Variants in SCG5 observed in about 807,000 individuals in gnomAD.
The protein encoded by SCG5 is secretogranin V, also known as neuroendocrine protein 7B2.
In SCG5, 18 loss-of-function variants were observed where a neutral mutation model predicts 25.7. That is an observed-to-expected ratio of 0.70 (90% CI 0.48 to 1.04). The LOEUF is 1.04. SCG5 is among the 50% of genes least tolerant of loss of function. The pLI is 0.00. For synonymous variants in SCG5, 101 were observed against 91.7 expected, an observed-to-expected ratio of 1.10 and a Z score of -0.58; for missense variants, 206 against 259.8, an observed-to-expected ratio of 0.79 and a Z score of 1.42.
intron 2 of SCG5, among the ~76,000 whole-genome samples, chr15:32,651,232 T>C (rs2054026758): frequency 1.3e-5 from 2 of 152,160 alleles, no homozygotes. Context: ...ACGTTCTTTT[T>C]TATAACACTG....
chr15:32,651,647 A>G (rs767901522), intron 2 of SCG5, among the ~76,000 whole-genome samples: 47 of 152,306 alleles, frequency 3.1e-4, no homozygotes, highest in East Asian at 7.7e-4. Context: ...GGACCGCCCA[A>G]TGGGCCCATG....
chr15:32,665,517 C>G (rs1321226139), intron 2 of SCG5, among the ~76,000 whole-genome samples: 1 of 152,032 alleles, frequency 6.6e-6, no homozygotes, highest in Non-Finnish European at 1.5e-5. Context: ...TATTGAATTC[C>G]TGTGGAGAAG....
chr15:32,649,961 A>C (rs1421156079), intron 2 of SCG5, among the ~76,000 whole-genome samples: 1 of 152,156 alleles, frequency 6.6e-6, no homozygotes, highest in Non-Finnish European at 1.5e-5. Flanking sequence ...TAAAAATAAA[A>C]TAAAATGGGG....
At chr15:32,678,536 C>T (rs1378651514) in intron 2 of SCG5, among the ~76,000 whole-genome samples, 1 of 152,056 alleles carries the variant, frequency 6.6e-6, no homozygotes, top group African/African-American at 2.4e-5. Flanking sequence ...TCATAAAACC[C>T]AATGCTTGTG....
chr15:32,667,596 A>G (rs8030091), intron 2 of SCG5, among the ~76,000 whole-genome samples: 3 of 152,040 alleles, frequency 2.0e-5, no homozygotes, highest in Non-Finnish European at 4.4e-5. Context: ...TTAACATAAC[A>G]TTGAGTTCTG....
At position 32,671,089 on chromosome 15, in the gene SCG5, G is replaced by A. The variant is rs186787697; in HGVS notation, c.227-8677G>A. Among the ~76,000 whole-genome samples, 604 of 152,302 alleles carry A rather than the reference G, an allele frequency of 4.0e-3. 3 individuals are homozygous for A. Among genetic ancestry groups the A allele is most frequent in the Non-Finnish European group, 5.9e-3 (398 of 68,030 alleles). ...ATGTTATCCCCGGGTTAAAAGGGGA[G>A]GAATTGGGGTCCAGTGAGATTGGGA... On this transcript the variant is annotated intron_variant, in intron 2 of 5. Transcript: ENST00000300175.
chr15:32,646,755 T>G (rs1266228715), intron 2 of SCG5, among the ~76,000 whole-genome samples: 1 of 152,216 alleles, frequency 6.6e-6, no homozygotes, highest in African/African-American at 2.4e-5. Flanking sequence ...TTGGGTGGTC[T>G]GATCATTTAT....
At chr15:32,669,482 A>T (rs1352167132) in intron 2 of SCG5, among the ~76,000 whole-genome samples, 1 of 152,126 alleles carries the variant, frequency 6.6e-6, no homozygotes, top group Non-Finnish European at 1.5e-5. Context: ...CTCCACTCTG[A>T]CCCTCAGCTA....
intron 2 of SCG5, among the ~76,000 whole-genome samples, chr15:32,644,391 T>C (rs1485082102): frequency 6.6e-6 from 1 of 152,194 alleles, no homozygotes; most frequent in African/African-American, 2.4e-5. Flanking sequence ...GTGAAAGCTT[T>C]TGAAAATATT....
At chr15:32,663,063 ATATATATATATATAT>A (rs1567076449) in intron 2 of SCG5, among the ~76,000 whole-genome samples, 2,416 of 50,054 alleles carry the variant, frequency 0.048, 81 homozygotes, top group South Asian at 0.1. Flanking sequence ...ATATATATAT[ATATATATATATATAT>A]AATATATAAT....
intron 2 of SCG5, among the ~76,000 whole-genome samples, chr15:32,661,147 C>T (rs964016856): frequency 6.6e-6 from 1 of 152,148 alleles, no homozygotes; most frequent in Non-Finnish European, 1.5e-5. Context: ...AGGTTTAGAG[C>T]AGGTGAGCAA....
At chr15:32,654,397 C>T (rs1388791794) in intron 2 of SCG5, among the ~76,000 whole-genome samples, 1 of 152,184 alleles carries the variant, frequency 6.6e-6, no homozygotes, top group African/African-American at 2.4e-5. Flanking sequence ...TAGGCTTCAA[C>T]ATGTAAATTT....
At chr15:32,647,082 AT>A (rs1252664918) in intron 2 of SCG5, among the ~76,000 whole-genome samples, 1 of 152,198 alleles carries the variant, frequency 6.6e-6, no homozygotes, top group Admixed American at 6.5e-5. Flanking sequence ...TTCATCATTT[AT>A]TACTAATATG....
chr15:32,655,802 C>T (rs2054108253), intron 2 of SCG5, among the ~76,000 whole-genome samples: 1 of 152,194 alleles, frequency 6.6e-6, no homozygotes, highest in South Asian at 2.1e-4. Flanking sequence ...TCACCAGACA[C>T]AGAATCTACA....
intron 1 of SCG5, among the ~76,000 whole-genome samples, 198 bp downstream of exon 1, chr15:32,641,976 CAG>C (rs2053869941): frequency 6.6e-6 from 1 of 152,188 alleles, no homozygotes; most frequent in Admixed American, 6.5e-5. Context: ...TTCATCAAAT[CAG>C]AGCGGCGTTT....
At chr15:32,661,993 T>C (rs1388979159) in intron 2 of SCG5, among the ~76,000 whole-genome samples, 1 of 152,222 alleles carries the variant, frequency 6.6e-6, no homozygotes, top group African/African-American at 2.4e-5. Flanking sequence ...TTATACTTAA[T>C]ATTATATCAA....
At chr15:32,668,749 G>A (rs189865724) in intron 2 of SCG5, among the ~76,000 whole-genome samples, 11 of 152,332 alleles carry the variant, frequency 7.2e-5, no homozygotes, top group South Asian at 2.1e-4. Context: ...GGTCTGGGGC[G>A]GAGGGTCACC....
At chr15:32,669,869 G>GA (rs150586292) in intron 2 of SCG5, among the ~76,000 whole-genome samples, 32,070 of 141,118 alleles carry the variant, frequency 0.23, 3,510 homozygotes, top group Non-Finnish European at 0.25. Flanking sequence ...CACCGCTTCA[G>GA]AAAAAAAAAA....
intron 2 of SCG5, among the ~76,000 whole-genome samples, chr15:32,656,745 A>G (rs1425158258): frequency 6.6e-6 from 1 of 152,216 alleles, no homozygotes; most frequent in Non-Finnish European, 1.5e-5. Context: ...CTTGGAACCA[A>G]TTGGTGCAAA....
Sources: gnomAD v4.1 joint callset for allele counts (sites outside exome capture counted in the v4.1 genomes callset) on GRCh38, gnomAD v4.1.1 for gene constraint, MANE v1.5 for transcripts, NCBI Gene and HGNC (gene_info 2026-07-23, HGNC 2026-07-21) for gene names.